REEP5: variants seen among roughly 807,000 people sequenced by gnomAD.
The protein encoded by REEP5 is receptor expression-enhancing protein 5.
Under a neutral mutation model 22.4 loss-of-function variants are expected in REEP5, and 24 were observed. The ratio of observed to expected loss-of-function variants is 1.07; its 90% CI spans 0.78 to 1.51. The LOEUF (loss-of-function observed/expected upper bound fraction) is 1.51. Among genes scored for constraint, REEP5 ranks in the 40% most tolerant of loss-of-function variants. REEP5 has a pLI of 0.00. For synonymous variants in REEP5, 103 were observed against 88.6 expected (o/e 1.16, Z -0.92); for missense variants, 252 against 233.0 (o/e 1.08, Z -0.53).
At chr5:112,880,336 T>C (rs1768031347) in intron 4 of REEP5, among the ~76,000 whole-genome samples, 1 of 152,194 alleles carries the variant, frequency 6.6e-6, no homozygotes. Flanking sequence ...GAATGTGCTA[T>C]GAGAACCAGT....
At chr5:112,891,938 C>T (rs550072734) in intron 3 of REEP5, 37 of 1,252,310 alleles carry the variant, frequency 3.0e-5, no homozygotes, top group African/African-American at 4.4e-5. Flanking sequence ...AAGGAAGAGG[C>T]GGCTAAAAAA....
intron 3 of REEP5, among the ~76,000 whole-genome samples, chr5:112,890,793 C>T (rs1768415119): frequency 6.6e-6 from 1 of 150,800 alleles, no homozygotes; most frequent in African/African-American, 2.5e-5. Flanking sequence ...AACTTCCAAT[C>T]CTGGTTCTGC....
At chr5:112,879,162 G>A (rs561911530) in intron 4 of REEP5, among the ~76,000 whole-genome samples, 49 of 152,228 alleles carry the variant, frequency 3.2e-4, no homozygotes, top group African/African-American at 1.0e-3. Flanking sequence ...TAAGAGTAGT[G>A]TTCAAATTCT....
At chr5:112,912,559 AT>A (rs1475974512) in intron 2 of REEP5, among the ~76,000 whole-genome samples, 3 of 152,220 alleles carry the variant, frequency 2.0e-5, no homozygotes, top group African/African-American at 4.8e-5. Context: ...CATCTGCTTT[AT>A]ATTTTATTTC....
At chr5:112,902,888 C>T (rs73222001) in intron 2 of REEP5, among the ~76,000 whole-genome samples, 1 of 152,110 alleles carries the variant, frequency 6.6e-6, no homozygotes, top group African/African-American at 2.4e-5. Context: ...AGAATTCTCT[C>T]GTGATAACCA....
At chr5:112,904,619 A>C (rs1401155491) in intron 2 of REEP5, among the ~76,000 whole-genome samples, 2 of 152,176 alleles carry the variant, frequency 1.3e-5, no homozygotes, top group South Asian at 2.1e-4. Context: ...GTGGCTTTTA[A>C]ATTCTTTTGG....
intron 2 of REEP5, among the ~76,000 whole-genome samples, chr5:112,904,869 A>G (rs972429564): frequency 1.4e-4 from 21 of 152,170 alleles, no homozygotes; most frequent in African/African-American, 4.6e-4. Flanking sequence ...TATGAATTCT[A>G]AAGTCCCCAT....
At chr5:112,910,131 C>G (rs189447669) in intron 2 of REEP5, among the ~76,000 whole-genome samples, 3 of 152,112 alleles carry the variant, frequency 2.0e-5, no homozygotes, top group African/African-American at 7.2e-5. Context: ...GGTGATACCC[C>G]GTCTCTACTA....
intron 3 of REEP5, chr5:112,892,754 TG>T (rs767857469): frequency 2.5e-6 from 4 of 1,613,652 alleles, no homozygotes; most frequent in Non-Finnish European, 3.4e-6. Flanking sequence ...AGGGAGAAGA[TG>T]GGCCACCACG....
chr5:112,887,716 G>A (rs1318964739), intron 3 of REEP5, among the ~76,000 whole-genome samples: 2 of 151,956 alleles, frequency 1.3e-5, no homozygotes, highest in Non-Finnish European at 1.5e-5. Flanking sequence ...AATCTTTACA[G>A]TTGTTCTTCA....
At chr5:112,880,348 C>A (rs1173911770) in intron 4 of REEP5, among the ~76,000 whole-genome samples, 1 of 152,188 alleles carries the variant, frequency 6.6e-6, no homozygotes, top group Non-Finnish European at 1.5e-5. Flanking sequence ...AGAACCAGTA[C>A]AGTGTGTAAG....
intron 3 of REEP5, chr5:112,892,476 C>G (rs1406828252): frequency 5.6e-6 from 9 of 1,614,018 alleles, no homozygotes; most frequent in African/African-American, 1.3e-5. Context: ...ATGTTCAGTA[C>G]CAGTCGGAAG....
At chr5:112,893,341 C>T (rs1458099636) in intron 3 of REEP5, 7 of 226,528 alleles carry the variant, frequency 3.1e-5, no homozygotes, top group Admixed American at 2.6e-4. Context: ...ATCTGGAAGG[C>T]GGAGGTTGCA....
At chr5:112,905,618 A>AGATT (rs143762090) in intron 2 of REEP5, among the ~76,000 whole-genome samples, 54,907 of 148,116 alleles carry the variant, frequency 0.37, 10,811 homozygotes, top group African/African-American at 0.51. Context: ...CTTTTTAAAA[A>AGATT]GATTGATTGA....
intron 2 of REEP5, among the ~76,000 whole-genome samples, chr5:112,916,543 G>A (rs1769236299): frequency 6.6e-6 from 1 of 152,236 alleles, no homozygotes; most frequent in Admixed American, 6.5e-5. Context: ...TATGTGTGCA[G>A]ATATATGATT....
At chr5:112,914,337 T>C (rs1769185769) in intron 2 of REEP5, among the ~76,000 whole-genome samples, 1 of 151,130 alleles carries the variant, frequency 6.6e-6, no homozygotes, top group Non-Finnish European at 1.5e-5. Flanking sequence ...CAGCCTTGAC[T>C]TTCTCAAGCT....
intron 2 of REEP5, among the ~76,000 whole-genome samples, chr5:112,905,773 A>G (rs1190693107): frequency 6.6e-6 from 1 of 151,892 alleles, no homozygotes; most frequent in Non-Finnish European, 1.5e-5. Context: ...GGTTCACATC[A>G]TCATGCTTGG....
chr5:112,898,647 A>G (rs371411858), intron 3 of REEP5, among the ~76,000 whole-genome samples: 1 of 152,180 alleles, frequency 6.6e-6, no homozygotes. Context: ...TCACTGCCAC[A>G]AGCAAGTGGG....
At chr5:112,892,999 A>G in intron 3 of REEP5, 2 of 1,575,192 alleles carry the variant, frequency 1.3e-6, no homozygotes, top group South Asian at 2.2e-5. Context: ...CCGGAGCCAA[A>G]GTTCCTCTAG....
Sources: gnomAD v4.1 joint callset for allele counts (sites outside exome capture counted in the v4.1 genomes callset) on GRCh38, gnomAD v4.1.1 for gene constraint, MANE v1.5 for transcripts, NCBI Gene and HGNC (gene_info 2026-07-23, HGNC 2026-07-21) for gene names.